Variants in ZNF573 observed in about 807,000 individuals in gnomAD.
ZNF573 encodes the protein zinc finger protein 573.
Under a neutral mutation model 57.4 loss-of-function variants are expected in ZNF573, and 41 were observed. The ratio of observed to expected loss-of-function variants is 0.71; its 90% CI spans 0.56 to 0.93. The LOEUF is 0.93. Among genes scored for constraint, ZNF573 ranks in the 40% least tolerant of loss-of-function variants. The probability of loss-of-function intolerance (pLI) is 0.00; values close to 1 mark genes in which losing one functional copy is unlikely to be tolerated. For synonymous variants in ZNF573, 249 were observed against 261.0 expected (o/e 0.95, Z 0.44); for missense variants, 730 against 794.8 (o/e 0.92, Z 0.98).
intron 4 of ZNF573, among the ~76,000 whole-genome samples, chr19:37,753,551 A>T (rs1432748749): frequency 2.0e-5 from 3 of 152,154 alleles, no homozygotes; most frequent in East Asian, 3.8e-4. Context: ...AATATATGGT[A>T]TTCAAAATAA....
At chr19:37,773,991 T>C (rs962175146) in intron 1 of ZNF573, among the ~76,000 whole-genome samples, 1 of 152,148 alleles carries the variant, frequency 6.6e-6, no homozygotes, top group Admixed American at 6.6e-5. Context: ...AGAGGTTTTC[T>C]GGACAAGGCT....
At position 37,758,234 on chromosome 19, in the gene ZNF573, TATATATATATATATA is replaced by T. The variant is rs1568420293; in HGVS notation, c.295+11756_295+11770del. On this transcript the variant is annotated intron_variant, in intron 4 of 4. Coordinates refer to ENST00000536220, the MANE Select transcript of ZNF573 (RefSeq NM_001172690.2). ...ATATATATATATATATATATATATA[TATATATATATATATA>T]TATATATATATATATAAAATTACCC... 2.0e-4 allele frequency among the ~76,000 whole-genome samples: 14 copies of T among 69,908 alleles called. 3 individuals carry two copies. Among genetic ancestry groups the T allele is most frequent in the African/African-American group, 7.7e-4 (13 of 16,790 alleles). The allele number at this position is 69,908 out of a possible 152,430, so 45.9% of individuals were successfully genotyped here.
At chr19:37,777,500 CTGAA>C (rs1327574400) in intron 1 of ZNF573, among the ~76,000 whole-genome samples, 2 of 152,082 alleles carry the variant, frequency 1.3e-5, no homozygotes, top group African/African-American at 4.8e-5. Context: ...TGGATGCAAC[CTGAA>C]TGGAGTTGGA....
chr19:37,745,078 G>A (rs971728878), intron 4 of ZNF573, among the ~76,000 whole-genome samples: 1 of 150,912 alleles, frequency 6.6e-6, no homozygotes, highest in Non-Finnish European at 1.5e-5. Flanking sequence ...CACCGTGCCC[G>A]GCCAGGAAAT....
intron 4 of ZNF573, among the ~76,000 whole-genome samples, chr19:37,750,086 AT>A (rs558621811): frequency 1.2e-3 from 177 of 144,256 alleles, no homozygotes; most frequent in Middle Eastern, 3.6e-3. Flanking sequence ...TTTTTTTTTA[AT>A]TTTTTTTTTT....
At chr19:37,769,333 G>A (rs2045631982) in intron 4 of ZNF573, among the ~76,000 whole-genome samples, 1 of 152,084 alleles carries the variant, frequency 6.6e-6, no homozygotes, top group Non-Finnish European at 1.5e-5. Flanking sequence ...GACCTTACAT[G>A]TCTTCCTCAT....
chr19:37,739,132 A>G lies in ZNF573; in HGVS notation c.1358T>C (p.Leu453Ser), dbSNP rs2045294867. Reference protein sequence around the residue: ...ECKECKKTFTLYRNLTRHQNI... With the variant: ...ECKECKKTFTSYRNLTRHQNI... ...CTGATGTCGAGTAAGATTTCTATAC[A>G]AAGTAAAGGTTTTTTTACACTCCTT... Residue 453 changes from leucine to serine, a missense_variant, in exon 5 of 5, where the codon TTG (leucine) becomes TCG (serine). Physicochemically the swap from Leu to Ser is moderately radical, Grantham distance 145. Coordinates refer to ENST00000536220, the MANE Select transcript of ZNF573 (RefSeq NM_001172690.2). 6.2e-7 allele frequency: 1 copy of G among 1,613,052 alleles called. No individual in the cohort carries two copies. The highest frequency in any genetic ancestry group is 1.3e-5 in the African/African-American group (1 of 74,830).
In ZNF573 at chr19:37,770,059, G is replaced by A. The variant is rs1458053375; in HGVS notation, c.241C>T (p.Leu81=). The A allele has an allele frequency of 6.4e-7, 1 of 1,551,752 alleles. No homozygotes were observed. The highest frequency in any genetic ancestry group is 8.7e-7 in the Non-Finnish European group (1 of 1,147,132). The change falls in exon 4 of 5, where the codon CTG becomes TTG. Residue 81 remains leucine (L), a synonymous_variant. Transcript: ENST00000536220. The part of the protein sequence containing the change: ...SISKPVVVDL[L]ERGKEPWMIL... ...ATCCAGGGCTCTTTTCCTCGCTCCA[G>A]TAAATCAACCACAACTGGTTTAGAA...
chr19:37,770,170 A>C (rs1045436061), intron 3 of ZNF573, 73 bp from the exon 4 acceptor site: 9 of 1,199,990 alleles, frequency 7.5e-6, no homozygotes, highest in Middle Eastern at 4.0e-4. Context: ...GCTTTGATTA[A>C]ATTTACAATG....
intron 3 of ZNF573, among the ~76,000 whole-genome samples, chr19:37,770,830 TTTTATATATA>T (rs2045649485): frequency 2.3e-5 from 1 of 44,158 alleles, no homozygotes; most frequent in Non-Finnish European, 3.3e-5. Context: ...GATTAAGTTA[TTTTATATATA>T]TATATATATA....
intron 4 of ZNF573, among the ~76,000 whole-genome samples, chr19:37,746,742 C>T (rs751362148): frequency 6.6e-6 from 1 of 152,100 alleles, no homozygotes; most frequent in Non-Finnish European, 1.5e-5. Flanking sequence ...CGCCTCCACG[C>T]CCAGCTAATT....
chr19:37,763,479 C>T (rs184539952), intron 4 of ZNF573, among the ~76,000 whole-genome samples: 26 of 151,732 alleles, frequency 1.7e-4, no homozygotes, highest in Admixed American at 1.6e-3. Flanking sequence ...GCAGGAAGAT[C>T]GCTTGAAACC....
At chr19:37,774,483 T>G (rs576453003) in intron 1 of ZNF573, among the ~76,000 whole-genome samples, 1 of 152,180 alleles carries the variant, frequency 6.6e-6, no homozygotes, top group East Asian at 1.9e-4. Flanking sequence ...CAGTTGAAAT[T>G]GGTCAAAACA....
chr19:37,765,811 G>A (rs754642965), intron 4 of ZNF573, among the ~76,000 whole-genome samples: 13 of 152,072 alleles, frequency 8.5e-5, no homozygotes, highest in South Asian at 2.1e-4. Context: ...AGCCGAGTCC[G>A]GTAGATCATC....
In ZNF573 at chr19:37,740,101, CT is replaced by C. The variant is rs1213240552; in HGVS notation, c.388del (p.Arg130GlufsTer76). 4.3e-6 allele frequency: 7 copies of C among 1,613,992 alleles called. No homozygotes were observed. The highest frequency in any genetic ancestry group is 5.9e-6 in the Non-Finnish European group (7 of 1,179,934). On this transcript the variant is annotated frameshift_variant, in exon 5 of 5. Transcript: ENST00000536220. LOFTEE classifies it high-confidence loss of function. ...TTTCTTACATTCATAGAGTTTCTCTCTCTTATATATGCTCTGAAGTTGTGTA... is the reference window on the plus strand; with the variant it reads ...TTTCTTACATTCATAGAGTTTCTCTCCTTATATATGCTCTGAAGTTGTGTA... ...SSTQLQSIYK[R>X]EKLYECKKCQ...
At chr19:37,769,612 G>C (rs1330887988) in intron 4 of ZNF573, among the ~76,000 whole-genome samples, 5 of 151,154 alleles carry the variant, frequency 3.3e-5, no homozygotes, top group African/African-American at 1.2e-4. Context: ...TGTAATTCCA[G>C]CTACTCGGGA....
intron 2 of ZNF573, among the ~76,000 whole-genome samples, chr19:37,773,215 A>G (rs1162501057): frequency 6.6e-6 from 1 of 152,242 alleles, no homozygotes; most frequent in African/African-American, 2.4e-5. Context: ...CTCAAAGAAT[A>G]TGAGATCTCA....
intron 4 of ZNF573, among the ~76,000 whole-genome samples, chr19:37,769,621 G>T (rs540012472): frequency 1.3e-5 from 2 of 151,038 alleles, no homozygotes; most frequent in Admixed American, 6.6e-5. Flanking sequence ...AGCTACTCGG[G>T]AGGCTGAGGC....
rs138431423 is a variant in ZNF573, at chr19:37,739,971, A to T, written c.519T>A (p.Ser173Arg). Residue 173 changes from serine to arginine, a missense_variant, in exon 5 of 5, where the codon AGT becomes AGA. Physicochemically the swap from Ser to Arg is moderately radical, Grantham distance 110. Coordinates refer to ENST00000536220, the MANE Select transcript of ZNF573 (RefSeq NM_001172690.2). ...ECKECGKNFR[S>R]GYQLTLHQRF... ...TTTGATGTAGAGTAAGTTGATAGCC[A>T]CTACGAAAGTTCTTCCCACACTCTT... is the stretch of plus-strand genomic sequence containing the variant. 7.3e-5 allele frequency: 118 copies of T among 1,614,054 alleles called. 1 individual carries two copies. The African/African-American group carries it at 1.5e-3, about 21-fold the overall frequency.
Sources: gnomAD v4.1 joint callset for allele counts (sites outside exome capture counted in the v4.1 genomes callset) on GRCh38, gnomAD v4.1.1 for gene constraint, MANE v1.5 for transcripts, NCBI Gene and HGNC (gene_info 2026-07-23, HGNC 2026-07-21) for gene names.